The following NEK10 variants were observed in gnomAD, a reference collection of about 807,000 sequenced individuals.
NEK10 encodes the protein serine/threonine-protein kinase Nek10.
In NEK10, 122 loss-of-function variants were observed where a neutral mutation model predicts 159.8. That is an observed-to-expected ratio of 0.76 (90% CI 0.66 to 0.89). The LOEUF (loss-of-function observed/expected upper bound fraction) is 0.89, where lower values mean the gene tolerates loss of function less well. Among genes scored for constraint, NEK10 ranks in the 40% least tolerant of loss-of-function variants. NEK10 has a pLI of 0.00. For synonymous variants in NEK10, 466 were observed against 457.1 expected (o/e 1.02, Z -0.25); for missense variants, 1,342 against 1,323.1 (o/e 1.01, Z -0.22).
At chr3:27,270,104 T>C (rs1416741407) in intron 22 of NEK10, among the ~76,000 whole-genome samples, 2 of 152,206 alleles carry the variant, frequency 1.3e-5, no homozygotes, top group African/African-American at 2.4e-5. Flanking sequence ...GAACTGAATA[T>C]AGCAGAACGG....
intron 23 of NEK10, among the ~76,000 whole-genome samples, chr3:27,234,802 G>A (rs1352662962): frequency 6.6e-6 from 1 of 152,026 alleles, no homozygotes; most frequent in African/African-American, 2.4e-5. Flanking sequence ...TGCCCAACTA[G>A]CCAAGGAGAT....
intron 23 of NEK10, among the ~76,000 whole-genome samples, chr3:27,211,787 G>A (rs1215692094): frequency 3.3e-5 from 5 of 152,152 alleles, no homozygotes; most frequent in African/African-American, 1.2e-4. Flanking sequence ...TTACATTCCA[G>A]TAAAGGAGAC....
chr3:27,112,375 T>C (rs1031215296), intron 35 of NEK10, among the ~76,000 whole-genome samples: 21 of 152,358 alleles, frequency 1.4e-4, no homozygotes, highest in African/African-American at 4.8e-4. Context: ...TGTGTACTAT[T>C]CAAACTGATA....
At chr3:27,368,590 G>A (rs1265210074) in intron 1 of NEK10, among the ~76,000 whole-genome samples, 3 of 152,192 alleles carry the variant, frequency 2.0e-5, no homozygotes, top group Admixed American at 2.0e-4. Flanking sequence ...GTTTTTGAAA[G>A]CTGAATGGAT....
intron 22 of NEK10, among the ~76,000 whole-genome samples, chr3:27,261,164 A>G (rs2040379489): frequency 6.6e-6 from 1 of 152,100 alleles, no homozygotes; most frequent in Non-Finnish European, 1.5e-5. Flanking sequence ...GATGTTTTCA[A>G]AATACCAGCT....
chr3:27,152,994 G>C (rs991035165), intron 30 of NEK10, among the ~76,000 whole-genome samples: 4 of 152,076 alleles, frequency 2.6e-5, no homozygotes, highest in Non-Finnish European at 5.9e-5. Context: ...CCTAAAACTG[G>C]AGCTTCCAAA....
At chr3:27,162,029 A>G (rs1468669895) in intron 30 of NEK10, among the ~76,000 whole-genome samples, 1 of 152,054 alleles carries the variant, frequency 6.6e-6, no homozygotes, top group Non-Finnish European at 1.5e-5. Flanking sequence ...AAGAAAAGAA[A>G]CATAAATAAG....
At chr3:27,193,991 A>C (rs1489229890) in intron 25 of NEK10, 2 of 152,182 alleles carry the variant, frequency 1.3e-5, no homozygotes, top group East Asian at 3.9e-4. Context: ...CGTAACATCT[A>C]AAAAGTTTAC....
intron 11 of NEK10, among the ~76,000 whole-genome samples, chr3:27,306,128 C>G (rs2044225954): frequency 6.6e-6 from 1 of 152,184 alleles, no homozygotes; most frequent in African/African-American, 2.4e-5. Flanking sequence ...AGCCACAAGA[C>G]TGGGAGTCAT....
chr3:27,120,476 C>T (rs569037800), intron 32 of NEK10, among the ~76,000 whole-genome samples: 33 of 149,786 alleles, frequency 2.2e-4, no homozygotes, highest in African/African-American at 7.5e-4. Flanking sequence ...GCACCCACCA[C>T]CATGCCCAGC....
At chr3:27,167,994 A>T (rs1946630282) in intron 29 of NEK10, among the ~76,000 whole-genome samples, 1 of 152,180 alleles carries the variant, frequency 6.6e-6, no homozygotes, top group Non-Finnish European at 1.5e-5. Flanking sequence ...TCCGCAAGCA[A>T]TTGGTTTAAA....
chr3:27,165,167 C>T lies in NEK10; in HGVS notation c.2832-2429G>A, dbSNP rs531690025. On this transcript the variant is annotated intron_variant, in intron 29 of 35. Coordinates refer to ENST00000691995, the MANE Select transcript of NEK10 (RefSeq NM_001394966.1). ...TGGGATGGTGAAAATAAATAGTTTC[C>T]ACAGTCTTAGAATTTACAAGATTGC... Among the ~76,000 whole-genome samples, 6 of 152,208 alleles carry T rather than the reference C, an allele frequency of 3.9e-5. No homozygotes were observed. The South Asian group carries it at 6.2e-4, about 16-fold the overall frequency.
chr3:27,284,811 A>G, intron 21 of NEK10, 29 bp downstream of exon 21: 2 of 1,561,614 alleles, frequency 1.3e-6, no homozygotes, highest in South Asian at 1.1e-5. Context: ...TACTGTTTTA[A>G]GAAAAATTTA....
chr3:27,278,630 C>A, intron 22 of NEK10: 1 of 885,096 alleles, frequency 1.1e-6, no homozygotes, highest in South Asian at 5.2e-5. Context: ...GTGTCATGTA[C>A]TAAAGTCCAT....
intron 23 of NEK10, among the ~76,000 whole-genome samples, chr3:27,208,514 T>C (rs890924701): frequency 1.3e-5 from 2 of 152,120 alleles, no homozygotes; most frequent in Non-Finnish European, 1.5e-5. Flanking sequence ...ACTGGAAGCC[T>C]GGACAAGCCC....
chr3:27,272,671 C>T (rs755734672), intron 22 of NEK10, among the ~76,000 whole-genome samples: 20 of 152,166 alleles, frequency 1.3e-4, no homozygotes, highest in Non-Finnish European at 2.5e-4. Context: ...TGTCCATTTA[C>T]TCATTTGTCC....
intron 23 of NEK10, among the ~76,000 whole-genome samples, chr3:27,232,754 C>A (rs1437422945): frequency 6.6e-6 from 1 of 151,940 alleles, no homozygotes; most frequent in East Asian, 1.9e-4. Flanking sequence ...AGAAATAAAG[C>A]CAAAGACTTA....
chr3:27,231,079 T>G (rs1300362413), intron 23 of NEK10, among the ~76,000 whole-genome samples: 2 of 151,998 alleles, frequency 1.3e-5, no homozygotes, highest in Non-Finnish European at 2.9e-5. Context: ...CTTCAGTACA[T>G]GAAATATTCT....
In NEK10 at chr3:27,331,244, AAAAAAAC is replaced by A. The variant is rs1224636214; in HGVS notation, c.363-8990_363-8984del. On this transcript the variant is annotated intron_variant, in intron 5 of 35. Coordinates refer to ENST00000691995, the MANE Select transcript of NEK10 (RefSeq NM_001394966.1). ...TAAAGTAAGACTCTGTCTCAAAAAA[AAAAAAAC>A]AAAAAAAAAAAACACACAAACCTAA... 1.8e-4 allele frequency among the ~76,000 whole-genome samples: 23 copies of A among 125,260 alleles called. 1 individual carries two copies. Among genetic ancestry groups the A allele is most frequent in the Non-Finnish European group, 3.0e-4 (17 of 56,090 alleles). The allele number at this position is 125,260 out of a possible 152,430, so 82.2% of individuals were successfully genotyped here. A position where few individuals can be genotyped will look rare whatever the true frequency, so the allele number is the denominator to read the frequency against.
Sources: allele counts gnomAD v4.1 joint callset (sites outside exome capture counted in the v4.1 genomes callset), GRCh38; gene constraint gnomAD v4.1.1; transcripts MANE v1.5; gene names NCBI Gene and HGNC (gene_info 2026-07-23, HGNC 2026-07-21).